BSN: variants seen among roughly 807,000 people sequenced by gnomAD.
BSN encodes the protein bassoon presynaptic cytomatrix protein, also known as protein bassoon.
In BSN, 57 loss-of-function variants were observed where a neutral mutation model predicts 264.8. That is an observed-to-expected ratio of 0.22 (90% CI 0.17 to 0.27). The LOEUF is 0.27. Among genes scored for constraint, BSN ranks in the 10% least tolerant of loss-of-function variants. The pLI is 1.00. For synonymous variants in BSN, 2,059 were observed against 2,137.3 expected (o/e 0.96, Z 1.01); for missense variants, 4,615 against 5,232.5 (o/e 0.88, Z 3.64).
Position 49,651,179 on chromosome 3 carries a change from G to A in BSN, c.1986+100G>A, listed in dbSNP as rs2052538893. 1 of 1,202,002 alleles carries A rather than the reference G, an allele frequency of 8.3e-7. No homozygotes were observed. Among genetic ancestry groups the A allele is most frequent in the South Asian group, 1.5e-5 (1 of 65,858 alleles). The allele number at this position is 1,202,002 out of a possible 1,614,324, so 74.5% of individuals were successfully genotyped here. ...GGCTGAGGCTGTAGGCTCAGGACAG[G>A]TGCCTTGGGGCCACACAGGAGGGAA... On this transcript the variant is annotated intron_variant, in intron 4 of 11. Transcript: ENST00000296452. This position sits in a 1 kb window ranked among gnomAD's most constrained non-coding sequence, Gnocchi z 5.4.
intron 1 of BSN, among the ~76,000 whole-genome samples, chr3:49,595,841 G>T (rs2052018680): frequency 6.6e-6 from 1 of 151,484 alleles, no homozygotes; most frequent in South Asian, 2.1e-4. Context: ...CATTTTTTTG[G>T]TAGGTTCTTT....
chr3:49,613,857 C>T (rs1217956203), intron 1 of BSN, among the ~76,000 whole-genome samples: 1 of 151,862 alleles, frequency 6.6e-6, no homozygotes. Flanking sequence ...TTCAAGAACT[C>T]AGGAAACGTG....
chr3:49,608,427 G>T (rs1480095269), intron 1 of BSN, among the ~76,000 whole-genome samples: 4 of 152,190 alleles, frequency 2.6e-5, no homozygotes, highest in Non-Finnish European at 5.9e-5. Context: ...GTTGCAGTGG[G>T]TATTATTTAG....
intron 3 of BSN, among the ~76,000 whole-genome samples, chr3:49,646,804 G>C (rs1313345461): frequency 2.0e-5 from 3 of 152,208 alleles, no homozygotes; most frequent in Admixed American, 6.5e-5. Flanking sequence ...GGGGGTGAGG[G>C]GGTTACAGCC....
intron 1 of BSN, among the ~76,000 whole-genome samples, chr3:49,588,570 C>G (rs575238518): frequency 1.6e-4 from 24 of 152,218 alleles, no homozygotes; most frequent in Non-Finnish European, 2.6e-4. Context: ...GTATTTGCAG[C>G]TAGAAATTTC....
intron 1 of BSN, among the ~76,000 whole-genome samples, chr3:49,566,519 T>C (rs1021976461): frequency 5.3e-5 from 8 of 151,840 alleles, no homozygotes; most frequent in African/African-American, 1.9e-4. Flanking sequence ...GTGCAGTGGC[T>C]CCCCCCTGTA....
intron 1 of BSN, among the ~76,000 whole-genome samples, chr3:49,620,906 G>T (rs1438373838): frequency 6.6e-6 from 1 of 151,932 alleles, no homozygotes; most frequent in South Asian, 2.1e-4. Context: ...GCATCACTGC[G>T]CTCCAGCCTG....
chr3:49,632,921 T>C (rs1290959301), intron 2 of BSN, among the ~76,000 whole-genome samples: 1 of 152,144 alleles, frequency 6.6e-6, no homozygotes, highest in Non-Finnish European at 1.5e-5. Context: ...GGCAAATAGC[T>C]AGAACCTGTC....
At position 49,661,700 on chromosome 3, in the gene BSN, C is replaced by T. The variant is rs745982484; in HGVS notation, c.9855C>T (p.Ala3285=). 6.2e-7 allele frequency: 1 copy of T among 1,613,758 alleles called. No individual in the cohort carries two copies. The highest frequency in any genetic ancestry group is 2.2e-5 in the East Asian group (1 of 44,886). The change falls in exon 6 of 12, where the codon GCC becomes GCT. Residue 3285 remains alanine (A), a synonymous_variant. Coordinates refer to ENST00000296452, the MANE Select transcript of BSN (RefSeq NM_003458.4). ...LDGPTLPCCY[A]RGEEESEEDS... The stretch of plus-strand genomic sequence containing the variant: ...GGCCCACACTGCCCTGCTGCTATGC[C>T]AGAGGAGAAGAGGAATCTGAGGAGG...
At chr3:49,624,563 T>C (rs1347215713) in intron 1 of BSN, among the ~76,000 whole-genome samples, 1 of 152,076 alleles carries the variant, frequency 6.6e-6, no homozygotes, top group Non-Finnish European at 1.5e-5. Flanking sequence ...CCTCCCAAAG[T>C]GCTGGGATTA....
Position 49,661,318 on chromosome 3 carries a change from C to T in BSN, c.9473C>T (p.Pro3158Leu). The T allele has an allele frequency of 6.2e-7, 1 of 1,613,938 alleles. No individual in the cohort carries two copies. Among genetic ancestry groups the T allele is most frequent in the Non-Finnish European group, 8.5e-7 (1 of 1,180,036 alleles). ...CTAGCCGACTTGGAGCAGAAGGTGC[C>T]CACCAACTATGAGGTGATCGCCAGC... ...TSLADLEQKV[P>L]TNYEVIASPV... The change falls in exon 6 of 12, where the codon CCC becomes CTC. Residue 3158 changes from proline to leucine, a missense_variant. Around this residue, in one of 3 missense-constraint regions of BSN, gnomAD observed 3,415 missense variants for 3,866.4 expected, o/e 0.88. Coordinates refer to ENST00000296452, the MANE Select transcript of BSN (RefSeq NM_003458.4).
intron 1 of BSN, among the ~76,000 whole-genome samples, chr3:49,620,308 C>G (rs2052294932): frequency 6.6e-6 from 1 of 152,040 alleles, no homozygotes; most frequent in Non-Finnish European, 1.5e-5. Context: ...GCCTGTAGTC[C>G]CAGCTACTTG....
intron 1 of BSN, among the ~76,000 whole-genome samples, chr3:49,606,107 TATAA>T (rs1450843806): frequency 1.2e-5 from 1 of 80,224 alleles, no homozygotes; most frequent in Admixed American, 2.3e-4. Context: ...ACATATAATA[TATAA>T]TATATACGTA....
In BSN at chr3:49,652,362, C is replaced by A; in HGVS notation, c.2806C>A (p.Leu936Ile). 6.2e-7 allele frequency: 1 copy of A among 1,606,610 alleles called. No homozygotes were observed. The highest frequency in any genetic ancestry group is 1.7e-5 in the Admixed American group (1 of 59,148). The change falls in exon 5 of 12, where the codon CTC becomes ATC. Residue 936 changes from leucine (L) to isoleucine (I), a missense_variant. This residue lies in a region of BSN where 1,197 missense variants were observed against 1,348.0 expected (regional missense o/e 0.89). Coordinates refer to ENST00000296452, the MANE Select transcript of BSN (RefSeq NM_003458.4). ...GGLRRFKTIE[L>I]NSTGSYGHEL... The stretch of plus-strand genomic sequence containing the variant: ...GCTCCGTCGCTTCAAGACCATTGAG[C>A]TCAACAGCACGGGAAGTTATGGTCA...
At position 49,585,742 on chromosome 3, in the gene BSN, C is replaced by G. The variant is rs1220537809; in HGVS notation, c.224+30916C>G. ...TAACAGTGTACAAGGGTTCCCTTTT[C>G]TCTACATCCTTGCCAGCATTTGTTA... On this transcript the variant is annotated intron_variant, in intron 1 of 11. Coordinates refer to ENST00000296452, the MANE Select transcript of BSN (RefSeq NM_003458.4). The surrounding 1 kb of genome is among the most constrained non-coding windows in gnomAD (Gnocchi z 4.7). Among the ~76,000 whole-genome samples, 1 of 152,242 alleles carries G rather than the reference C, an allele frequency of 6.6e-6. No individual in the cohort carries two copies. Among genetic ancestry groups the G allele is most frequent in the East Asian group, 1.9e-4 (1 of 5,204 alleles).
Position 49,667,983 on chromosome 3 carries a change from G to A in BSN, c.*498G>A, listed in dbSNP as rs2052724163. On this transcript the variant is annotated 3_prime_UTR_variant, in exon 12 of 12. Transcript: ENST00000296452. ...GCCTTGGAGAGGGGCTTTGACTGAG[G>A]GCTGGGGGCCCTGGGCTCCGTTTCC... is the stretch of plus-strand genomic sequence containing the variant. 6.6e-6 allele frequency: 1 copy of A among 152,664 alleles called. No homozygotes were observed. The highest frequency in any genetic ancestry group is 1.5e-5 in the Non-Finnish European group (1 of 68,092). The allele number at this position is 152,664 out of a possible 1,614,324, so 9.5% of individuals were successfully genotyped here.
chr3:49,661,038 G>A lies in BSN; in HGVS notation c.9193G>A (p.Ala3065Thr), dbSNP rs775900596. The change falls in exon 6 of 12, where the codon GCA becomes ACA. Residue 3065 changes from alanine (A) to threonine (T), a missense_variant. Physicochemically the swap from Ala to Thr is moderately conservative, Grantham distance 58. Around this residue, in one of 3 missense-constraint regions of BSN, gnomAD observed 3,415 missense variants for 3,866.4 expected, o/e 0.88. Coordinates refer to ENST00000296452, the MANE Select transcript of BSN (RefSeq NM_003458.4). ...RFQPPAPQYS[A>T]GSGGPTQNGF... is the part of the protein sequence containing the mutation. ...CCAGCCTCCAGCCCCACAGTATTCT[G>A]CAGGCAGTGGTGGGCCAACTCAGAA... 3.7e-6 allele frequency: 6 copies of A among 1,611,164 alleles called. No individual in the cohort carries two copies. Among genetic ancestry groups the A allele is most frequent in the Non-Finnish European group, 5.1e-6 (6 of 1,179,852 alleles).
intron 1 of BSN, among the ~76,000 whole-genome samples, chr3:49,579,043 A>G (rs2051871188): frequency 1.3e-5 from 2 of 152,136 alleles, no homozygotes; most frequent in African/African-American, 2.4e-5. Flanking sequence ...GCTGGAGTAC[A>G]GTGGTATGAT....
intron 1 of BSN, among the ~76,000 whole-genome samples, chr3:49,574,502 C>T (rs941947366): frequency 2.6e-5 from 4 of 151,778 alleles, no homozygotes; most frequent in South Asian, 2.1e-4. Context: ...GGCGTGGTCT[C>T]GGCTCACTGC....
Sources: gnomAD v4.1 joint callset for allele counts (sites outside exome capture counted in the v4.1 genomes callset) on GRCh38, gnomAD v4.1.1 for gene constraint, gnomAD v4.1.1 regional missense constraint, Gnocchi (gnomAD v3.1) non-coding constraint, MANE v1.5 for transcripts, NCBI Gene and HGNC (gene_info 2026-07-23, HGNC 2026-07-21) for gene names.